The following P2RY14 variants were observed in gnomAD, a reference collection of about 807,000 sequenced individuals.
P2RY14 encodes the protein purinergic receptor P2Y14, also known as P2Y purinoceptor 14.
In P2RY14, 2 loss-of-function variants were observed where a neutral mutation model predicts 0.9. That is an observed-to-expected ratio of 2.16 (90% CI 0.88 to 6.79). The LOEUF (loss-of-function observed/expected upper bound fraction) is 6.79. Ranked by LOEUF, P2RY14 falls within the 30% of genes most tolerant of loss-of-function variation. The pLI, the probability that P2RY14 is intolerant of heterozygous loss-of-function variation, is 0.05. For synonymous variants in P2RY14, 158 were observed against 147.2 expected, an observed-to-expected ratio of 1.07 and a Z score of -0.53; for missense variants, 378 against 400.1, an observed-to-expected ratio of 0.94 and a Z score of 0.47.
intron 1 of P2RY14, among the ~76,000 whole-genome samples, chr3:151,235,207 C>G (rs1051851116): frequency 3.9e-5 from 6 of 152,158 alleles, no homozygotes; most frequent in African/African-American, 1.4e-4. Flanking sequence ...CATCTAATGC[C>G]TGGCAGAACT....
At chr3:151,273,335 A>G (rs930641831) in intron 1 of P2RY14, among the ~76,000 whole-genome samples, 1 of 149,762 alleles carries the variant, frequency 6.7e-6, no homozygotes, top group Non-Finnish European at 1.5e-5. Flanking sequence ...GGTTCAAGCA[A>G]TTCTGCCTCA....
intron 1 of P2RY14, among the ~76,000 whole-genome samples, chr3:151,241,604 G>A (rs556060433): frequency 8.6e-5 from 13 of 151,792 alleles, no homozygotes; most frequent in Non-Finnish European, 1.6e-4. Flanking sequence ...TTTCACAGTG[G>A]GTTATATATA....
At chr3:151,249,784 T>C (rs572323744) in intron 1 of P2RY14, among the ~76,000 whole-genome samples, 1 of 152,288 alleles carries the variant, frequency 6.6e-6, no homozygotes, top group South Asian at 2.1e-4. Flanking sequence ...TTTCCTTCTT[T>C]AACAAGTTCT....
rs370035984 is a variant in P2RY14, at chr3:151,251,382, A to AT, written c.-133+26904dup. On this transcript the variant is annotated intron_variant, in intron 1 of 2. Transcript: ENST00000309170. ...GCCAGTCAATCTCCAAAGCCTGGTGATTTTTTTTTTTATGCTTAAATATTT... is the reference window on the plus strand; with the variant it reads ...GCCAGTCAATCTCCAAAGCCTGGTGATTTTTTTTTTTTATGCTTAAATATTT... 7.3e-3 allele frequency among the ~76,000 whole-genome samples: 1,076 copies of AT among 147,958 alleles called. 7 individuals carry two copies. Among genetic ancestry groups the AT allele is most frequent in the South Asian group, 0.015 (70 of 4,698 alleles).
intron 1 of P2RY14, among the ~76,000 whole-genome samples, chr3:151,237,588 T>A (rs899771665): frequency 4.0e-5 from 6 of 151,782 alleles, no homozygotes; most frequent in Non-Finnish European, 8.8e-5. Flanking sequence ...TGACCTCAGG[T>A]GATCTGCCCG....
At chr3:151,246,960 G>T (rs2149421990) in intron 1 of P2RY14, among the ~76,000 whole-genome samples, 1 of 152,152 alleles carries the variant, frequency 6.6e-6, no homozygotes, top group East Asian at 1.9e-4. Context: ...GTGGGCAAAG[G>T]ACACGAACAG....
chr3:151,216,635 TC>T (rs1438310744), intron 2 of P2RY14, among the ~76,000 whole-genome samples: 7 of 152,332 alleles, frequency 4.6e-5, no homozygotes, highest in Admixed American at 3.9e-4. Flanking sequence ...AATCACTTCC[TC>T]CACAAAACCT....
At position 151,212,490 on chromosome 3, in the gene P2RY14, C is replaced by T. The variant is rs533480729; in HGVS notation, c.*810G>A. On this transcript the variant is annotated 3_prime_UTR_variant, in exon 3 of 3. Coordinates refer to ENST00000309170, the MANE Select transcript of P2RY14 (RefSeq NM_014879.4). ...CTACGGTGTGGGTGTGTCTTTTTCC[C>T]AGTCATCTTATTTTTCCCATACTAT... The T allele has an allele frequency of 6.6e-5, 10 of 152,128 alleles. No homozygotes were observed. In the East Asian group the frequency reaches 1.7e-3, roughly 26 times the overall value. The allele number at this position is 152,128 out of a possible 1,614,324, so 9.4% of individuals were successfully genotyped here.
chr3:151,220,893 A>G (rs1175656172), intron 1 of P2RY14, among the ~76,000 whole-genome samples: 1 of 152,248 alleles, frequency 6.6e-6, no homozygotes, highest in Non-Finnish European at 1.5e-5. Context: ...GAACTGGGCA[A>G]CAGGCAGAGA....
At chr3:151,258,884 A>T (rs1228035938) in intron 1 of P2RY14, among the ~76,000 whole-genome samples, 1 of 147,760 alleles carries the variant, frequency 6.8e-6, no homozygotes, top group African/African-American at 2.5e-5. Flanking sequence ...GTCCTTCCCT[A>T]CTCTAAGGTA....
chr3:151,253,551 C>T (rs1423611337), intron 1 of P2RY14, among the ~76,000 whole-genome samples: 1 of 152,166 alleles, frequency 6.6e-6, no homozygotes, highest in Non-Finnish European at 1.5e-5. Flanking sequence ...TTTCCTCTCT[C>T]TGAATTCCTA....
rs1187709507 is a variant in P2RY14 at position 151,246,009 on chromosome 3, T to G, written c.-132-26367A>C. ...ACAGAGAGCCAAATCATGAGTGAAC[T>G]CCCATTCACAATTGCTTCAAAGAGA... On this transcript the variant is annotated intron_variant, in intron 1 of 2. Coordinates refer to ENST00000309170, the MANE Select transcript of P2RY14 (RefSeq NM_014879.4). Among the ~76,000 whole-genome samples, 730 of 150,668 alleles carry G rather than the reference T, an allele frequency of 4.8e-3. 6 individuals carry two copies. The highest frequency in any genetic ancestry group is 0.017 in the African/African-American group (690 of 41,104).
chr3:151,223,704 C>T (rs4680250), intron 1 of P2RY14, among the ~76,000 whole-genome samples: 3 of 152,016 alleles, frequency 2.0e-5, no homozygotes, highest in South Asian at 2.1e-4. Context: ...AGGTAGGAAG[C>T]GGGGAAATGG....
At chr3:151,267,097 T>C (rs1739985498) in intron 1 of P2RY14, among the ~76,000 whole-genome samples, 1 of 152,240 alleles carries the variant, frequency 6.6e-6, no homozygotes, top group South Asian at 2.1e-4. Context: ...ATTTCTTGCG[T>C]GTTAGAACTC....
At chr3:151,266,228 C>T (rs1259030745) in intron 1 of P2RY14, among the ~76,000 whole-genome samples, 2 of 152,146 alleles carry the variant, frequency 1.3e-5, no homozygotes, top group East Asian at 3.8e-4. Flanking sequence ...AGTAGATGTC[C>T]CTTCATGACC....
chr3:151,245,876 G>A (rs1420862767), intron 1 of P2RY14, among the ~76,000 whole-genome samples: 28 of 151,628 alleles, frequency 1.8e-4, no homozygotes, highest in African/African-American at 6.6e-4. Flanking sequence ...AAACCCCATC[G>A]TTTCAGCCCA....
In P2RY14 at chr3:151,265,334, G is replaced by C. The variant is rs146652162; in HGVS notation, c.-133+12953C>G. ...AAGAGATCAGGAAAATAAAACTGTT[G>C]AGTTTATTTTTCCCAGCACAGACGT... On this transcript the variant is annotated intron_variant, in intron 1 of 2. Transcript: ENST00000309170. Among the ~76,000 whole-genome samples, 773 of 152,268 alleles carry C rather than the reference G, an allele frequency of 5.1e-3. 12 individuals are homozygous for C. Among genetic ancestry groups the C allele is most frequent in the African/African-American group, 0.017 (721 of 41,548 alleles).
chr3:151,263,594 A>G (rs1051087670), intron 1 of P2RY14, among the ~76,000 whole-genome samples: 1 of 152,252 alleles, frequency 6.6e-6, no homozygotes, highest in East Asian at 1.9e-4. Context: ...ATTATTTCCC[A>G]GAACATCAAA....
chr3:151,235,194 G>C (rs1732482666), intron 1 of P2RY14, among the ~76,000 whole-genome samples: 2 of 152,108 alleles, frequency 1.3e-5, no homozygotes, highest in South Asian at 4.1e-4. Flanking sequence ...TGAGCTTTTT[G>C]GTCATCTAAT....
Sources: allele counts gnomAD v4.1 joint callset (sites outside exome capture counted in the v4.1 genomes callset), GRCh38; gene constraint gnomAD v4.1.1; transcripts MANE v1.5; gene names NCBI Gene and HGNC (gene_info 2026-07-23, HGNC 2026-07-21).